Variants in ANKRD18A observed in about 807,000 individuals in gnomAD.
ANKRD18A encodes ankyrin repeat domain 18A, also known as ankyrin repeat domain-containing protein 18A.
In ANKRD18A, 72 loss-of-function variants were observed where a neutral mutation model predicts 110.6. That is an observed-to-expected ratio of 0.65 (90% CI 0.54 to 0.79). The LOEUF (loss-of-function observed/expected upper bound fraction) is 0.79. ANKRD18A is among the 30% of genes least tolerant of loss of function. The pLI is 0.00. For missense variants in ANKRD18A, 934 were observed against 1,163.3 expected, an observed-to-expected ratio of 0.80 and a Z score of 2.87; for synonymous variants, 305 against 410.3, an observed-to-expected ratio of 0.74 and a Z score of 3.10.
At chr9:38,609,226 T>C (rs1825490771) in intron 5 of ANKRD18A, among the ~76,000 whole-genome samples, 1 of 152,066 alleles carries the variant, frequency 6.6e-6, no homozygotes, top group Non-Finnish European at 1.5e-5. Flanking sequence ...ACGCCTGTAA[T>C]CACAGCACTT....
At chr9:38,590,668 T>C (rs1415723636) in intron 10 of ANKRD18A, among the ~76,000 whole-genome samples, 5 of 152,234 alleles carry the variant, frequency 3.3e-5, no homozygotes, top group Non-Finnish European at 5.9e-5. Context: ...AACATCTTGT[T>C]CTAAAGTTCC....
At chr9:38,610,857 TATAATAATA>T (rs55823641) in intron 4 of ANKRD18A, among the ~76,000 whole-genome samples, 1 of 133,778 alleles carries the variant, frequency 7.5e-6, no homozygotes, top group African/African-American at 3.1e-5. Flanking sequence ...CAGCAACAAC[TATAATAATA>T]ATAATAATAA....
rs1277450787 is a variant in ANKRD18A at position 38,617,182 on chromosome 9, C to T, written c.207-1138G>A. On this transcript the variant is annotated intron_variant, in intron 1 of 15. Transcript: ENST00000399703. ...GCTGGCCGGGCCCAGTGGCTCACGC[C>T]TGTGATCCCAGCACTTTGGGAGGCC... 5.3e-5 allele frequency among the ~76,000 whole-genome samples: 8 copies of T among 152,216 alleles called. No individual in the cohort carries two copies. In the East Asian group the frequency reaches 1.5e-3, roughly 29 times the overall value.
chr9:38,571,050 T>G, downstream of ANKRD18A: 4 of 1,413,888 alleles, frequency 2.8e-6, no homozygotes, highest in South Asian at 3.1e-5. Context: ...CAAGAACCCT[T>G]GAGGCTGAGC....
chr9:38,597,238 T>A (rs1172080400), intron 8 of ANKRD18A, among the ~76,000 whole-genome samples: 1 of 152,184 alleles, frequency 6.6e-6, no homozygotes, highest in Non-Finnish European at 1.5e-5. Flanking sequence ...AAAGAAGCTT[T>A]CCCTTTTCTG....
At chr9:38,608,505 T>A (rs1456269262) in intron 5 of ANKRD18A, among the ~76,000 whole-genome samples, 1 of 148,520 alleles carries the variant, frequency 6.7e-6, no homozygotes, top group Non-Finnish European at 1.5e-5. Context: ...TTTATAATGA[T>A]TTTCATTATG....
In ANKRD18A at chr9:38,577,970, A is replaced by T. The variant is rs1342161193; in HGVS notation, c.2426T>A (p.Met809Lys). Residue 809 changes from methionine (M) to lysine (K), a missense_variant, in exon 13 of 16, where the codon ATG becomes AAG. Met to Lys is a moderately conservative substitution (Grantham distance 95). Around this residue, in one of 4 missense-constraint regions of ANKRD18A, gnomAD observed 223 missense variants for 226.7 expected, o/e 0.98. Coordinates refer to ENST00000399703, the MANE Select transcript of ANKRD18A (RefSeq NM_147195.4). ...EEEVLNLKTHMEKDMVELGKL... is the reference protein window; with the variant it reads ...EEEVLNLKTHKEKDMVELGKL... ...ACCAAGTTCTACCATATCTTTTTCC[A>T]TATGTGTCTTAAGATTTAATACTTC... 8.2e-6 allele frequency: 13 copies of T among 1,579,402 alleles called. No individual in the cohort carries two copies. The highest frequency in any genetic ancestry group is 1.4e-5 in the African/African-American group (1 of 73,670).
chr9:38,595,423 A>G, intron 9 of ANKRD18A, 63 bp downstream of exon 9: 1 of 1,352,604 alleles, frequency 7.4e-7, no homozygotes, highest in African/African-American at 1.5e-5. Flanking sequence ...TAGGTTCAAC[A>G]TATAGCCAGA....
intron 11 of ANKRD18A, among the ~76,000 whole-genome samples, chr9:38,587,760 T>C (rs1192167620): frequency 2.0e-5 from 3 of 152,208 alleles, no homozygotes; most frequent in Admixed American, 6.5e-5. Flanking sequence ...AAAAGTGCAC[T>C]TGACATTACA....
chr9:38,572,771 G>A lies in ANKRD18A; in HGVS notation c.2965-712C>T, dbSNP rs149483202. 7.1e-3 allele frequency: 1,203 copies of A among 168,706 alleles called. 16 individuals are homozygous for A. Among genetic ancestry groups the A allele is most frequent in the African/African-American group, 0.025 (1,070 of 42,266 alleles). 10.5% of individuals were successfully genotyped at this position (168,706 alleles called of 1,614,324 possible). A position where few individuals can be genotyped will look rare whatever the true frequency, so the allele number is the denominator to read the frequency against. On this transcript the variant is annotated intron_variant, in intron 15 of 15. Coordinates refer to ENST00000399703, the MANE Select transcript of ANKRD18A (RefSeq NM_147195.4). Reference sequence around the variant, plus strand: ...TAAGCCAACTGATGCCTTTGTTTTTGGAGAATCGTTTCAGTGTGCTGGCTG... The same window carrying A: ...TAAGCCAACTGATGCCTTTGTTTTTAGAGAATCGTTTCAGTGTGCTGGCTG...
intron 3 of ANKRD18A, among the ~76,000 whole-genome samples, chr9:38,612,709 G>C (rs1395780788): frequency 6.6e-6 from 1 of 151,872 alleles, no homozygotes; most frequent in Non-Finnish European, 1.5e-5. Flanking sequence ...AGTAGAGTTA[G>C]GGTTTCACCG....
Position 38,600,823 on chromosome 9 carries a change from A to T in ANKRD18A, c.936+308T>A, listed in dbSNP as rs184285975. Among the ~76,000 whole-genome samples the T allele has an allele frequency of 2.5e-3, 382 of 152,314 alleles. 4 individuals are homozygous for T. The highest frequency in any genetic ancestry group is 8.9e-3 in the African/African-American group (369 of 41,566). On this transcript the variant is annotated intron_variant, in intron 8 of 15. Coordinates refer to ENST00000399703, the MANE Select transcript of ANKRD18A (RefSeq NM_147195.4). ...TGCTCATCATTTCTCTTGCTTAGTA[A>T]TACAACTCCATTTTTGATGTTACCT...
downstream of ANKRD18A, chr9:38,567,493 A>C (rs1823510421): frequency 1.3e-5 from 2 of 153,338 alleles, no homozygotes; most frequent in South Asian, 4.1e-4. Context: ...ATTGGATGGA[A>C]GTGGTGAATT....
At chr9:38,584,444 T>C (rs1346871471) in intron 12 of ANKRD18A, among the ~76,000 whole-genome samples, 1 of 152,200 alleles carries the variant, frequency 6.6e-6, no homozygotes, top group Non-Finnish European at 1.5e-5. Context: ...GGTTTGTTTT[T>C]AGGGTGATGA....
rs1263951091 is a variant in ANKRD18A at position 38,595,779 on chromosome 9, T to A, written c.1561A>T (p.Met521Leu). 6.4e-7 allele frequency: 1 copy of A among 1,551,204 alleles called. No individual in the cohort carries two copies. Among genetic ancestry groups the A allele is most frequent in the Non-Finnish European group, 8.7e-7 (1 of 1,146,654 alleles). Residue 521 changes from methionine (M) to leucine (L), a missense_variant, in exon 9 of 16, where the codon ATG (methionine) becomes TTG (leucine). Met to Leu is a conservative substitution (Grantham distance 15, BLOSUM62 2). Around this residue, in one of 4 missense-constraint regions of ANKRD18A, gnomAD observed 630 missense variants for 797.5 expected, o/e 0.79. Transcript: ENST00000399703. ...LRQAQHRIKE[M>L]KQMHPNGEAK... The stretch of plus-strand genomic sequence containing the variant: ...TCTCCATTTGGATGCATCTGCTTCA[T>A]TTCCTTTATTCGATGCTGTGCTTGC...
chr9:38,594,009 C>G (rs1824766348), intron 9 of ANKRD18A, 100 bp from the exon 10 acceptor site: 1 of 1,176,764 alleles, frequency 8.5e-7, no homozygotes, highest in African/African-American at 1.6e-5. Flanking sequence ...TATTACCACA[C>G]ACACAGATTC....
At chr9:38,573,832 TTAAA>T (rs201726280) in intron 15 of ANKRD18A, among the ~76,000 whole-genome samples, 1,882 of 152,352 alleles carry the variant, frequency 0.012, 21 homozygotes, top group Middle Eastern at 0.027. Flanking sequence ...CATTTTTTAC[TTAAA>T]TAAATTTTTT....
intron 15 of ANKRD18A, 70 bp from the exon 16 acceptor site, chr9:38,572,129 T>C (rs904896471): frequency 1.6e-6 from 2 of 1,240,140 alleles, no homozygotes; most frequent in Non-Finnish European, 2.3e-6. Context: ...AAGTTTAAAA[T>C]GTGGAGTTGA....
At chr9:38,609,071 A>C (rs1825483865) in intron 5 of ANKRD18A, among the ~76,000 whole-genome samples, 1 of 152,218 alleles carries the variant, frequency 6.6e-6, no homozygotes, top group South Asian at 2.1e-4. Flanking sequence ...TAAGATTTTT[A>C]GTGTTGGGGG....
Sources: allele counts gnomAD v4.1 joint callset (sites outside exome capture counted in the v4.1 genomes callset), GRCh38; gene constraint gnomAD v4.1.1; regional missense constraint gnomAD v4.1.1; transcripts MANE v1.5; gene names NCBI Gene and HGNC (gene_info 2026-07-23, HGNC 2026-07-21).